The following HPCAL1 variants were observed in gnomAD, a reference collection of about 807,000 sequenced individuals.
The protein encoded by HPCAL1 is hippocalcin-like protein 1.
In HPCAL1, 8 loss-of-function variants were observed where a neutral mutation model predicts 17.1. The observed-to-expected ratio is 0.47, with a 90% confidence interval of 0.27 to 0.84. The LOEUF (loss-of-function observed/expected upper bound fraction) is 0.84. Ranked by LOEUF, HPCAL1 falls within the 40% of genes least tolerant of loss-of-function variation. The pLI, the probability that HPCAL1 is intolerant of heterozygous loss-of-function variation, is 0.13. For synonymous variants in HPCAL1, 112 were observed against 111.4 expected, an observed-to-expected ratio of 1.01 and a Z score of -0.03; for missense variants, 165 against 271.1, an observed-to-expected ratio of 0.61 and a Z score of 2.75.
intron 2 of HPCAL1, among the ~76,000 whole-genome samples, chr2:10,411,220 C>T (rs1238009190): frequency 2.0e-5 from 3 of 152,156 alleles, no homozygotes; most frequent in Non-Finnish European, 2.9e-5. Flanking sequence ...CCCTGGGTGG[C>T]CTCCACGGCT....
Position 10,323,164 on chromosome 2 carries a change from C to T in HPCAL1, c.-111+19987C>T, listed in dbSNP as rs1368100043. Among the ~76,000 whole-genome samples, 1 of 152,176 alleles carries T rather than the reference C, an allele frequency of 6.6e-6. No homozygotes were observed. Among genetic ancestry groups the T allele is most frequent in the Non-Finnish European group, 1.5e-5 (1 of 68,028 alleles). On this transcript the variant is annotated intron_variant, in intron 1 of 4. Transcript: ENST00000307845. This position sits in a 1 kb window ranked among gnomAD's most constrained non-coding sequence, Gnocchi z 4.6. ...TCCAGCACAACTCTCTGACCTGGCT[C>T]CCCCGGTTCCCCAGACGCGTTCCCC... is the stretch of plus-strand genomic sequence containing the variant.
rs768959788 is a variant in HPCAL1, at chr2:10,343,649, C to T, written c.-111+40472C>T. Among the ~76,000 whole-genome samples, 40 of 152,216 alleles carry T rather than the reference C, an allele frequency of 2.6e-4. No individual in the cohort carries two copies. Among genetic ancestry groups the T allele is most frequent in the Non-Finnish European group, 4.3e-4 (29 of 68,040 alleles). ...CTTTGACTGCAGACACTGGATTGACCGTGGCCAATGCCAAGTCCAAGAGAT... is the reference window on the plus strand; with the variant it reads ...CTTTGACTGCAGACACTGGATTGACTGTGGCCAATGCCAAGTCCAAGAGAT... On this transcript the variant is annotated intron_variant, in intron 1 of 4. Coordinates refer to ENST00000307845, the MANE Select transcript of HPCAL1 (RefSeq NM_002149.4). The surrounding 1 kb of genome is among the most constrained non-coding windows in gnomAD (Gnocchi z 4.8).
intron 1 of HPCAL1, among the ~76,000 whole-genome samples, chr2:10,379,059 C>T (rs13021170): frequency 0.3 from 46,034 of 151,782 alleles, 7,603 homozygotes; most frequent in Non-Finnish European, 0.37. Flanking sequence ...CGGGTGCGGT[C>T]GCTCCTACCT....
chr2:10,398,419 C>A (rs1048005324), intron 2 of HPCAL1, among the ~76,000 whole-genome samples: 87 of 152,220 alleles, frequency 5.7e-4, no homozygotes, highest in African/African-American at 2.0e-3. Flanking sequence ...GAATACTCAG[C>A]CAGGCTAAAA....
Position 10,310,262 on chromosome 2 carries a change from C to T in HPCAL1, c.-111+7085C>T, listed in dbSNP as rs1390376646. ...AAAGGGGTTCTAGGCGCAGCTCAGA[C>T]GTAGATGGGGACGCAGATGTGAGTA... On this transcript the variant is annotated intron_variant, in intron 1 of 4. Coordinates refer to ENST00000307845, the MANE Select transcript of HPCAL1 (RefSeq NM_002149.4). This position sits in a 1 kb window ranked among gnomAD's most constrained non-coding sequence, Gnocchi z 4.5. Among the ~76,000 whole-genome samples, 9 of 152,060 alleles carry T rather than the reference C, an allele frequency of 5.9e-5. No homozygotes were observed. The highest frequency in any genetic ancestry group is 2.6e-4 in the Admixed American group (4 of 15,246).
At chr2:10,335,978 C>T (rs1167641603) in intron 1 of HPCAL1, among the ~76,000 whole-genome samples, 1 of 139,034 alleles carries the variant, frequency 7.2e-6, no homozygotes, top group East Asian at 2.0e-4. Context: ...TGTTCATATC[C>T]TCTGCTGTAA....
Position 10,395,507 on chromosome 2 carries a change from C to G in HPCAL1, c.-110-1328C>G, listed in dbSNP as rs1044868104. 2.6e-5 allele frequency among the ~76,000 whole-genome samples: 4 copies of G among 152,148 alleles called. No homozygotes were observed. Among genetic ancestry groups the G allele is most frequent in the African/African-American group, 9.7e-5 (4 of 41,440 alleles). ...GGAAGGAGGGGAGAGGTGCAGCACCCCCATTGTGCAGGAGCGAGGGGAGCC... is the reference window on the plus strand; with the variant it reads ...GGAAGGAGGGGAGAGGTGCAGCACCGCCATTGTGCAGGAGCGAGGGGAGCC... On this transcript the variant is annotated intron_variant, in intron 1 of 4. Coordinates refer to ENST00000307845, the MANE Select transcript of HPCAL1 (RefSeq NM_002149.4). This position sits in a 1 kb window ranked among gnomAD's most constrained non-coding sequence, Gnocchi z 4.4.
intron 1 of HPCAL1, among the ~76,000 whole-genome samples, chr2:10,328,715 A>G (rs1465313493): frequency 6.6e-6 from 1 of 152,152 alleles, no homozygotes; most frequent in East Asian, 1.9e-4. Flanking sequence ...CCTCCATAAT[A>G]ACATGAACCA....
chr2:10,307,877 C>T (rs188970185), intron 1 of HPCAL1, among the ~76,000 whole-genome samples: 61 of 152,338 alleles, frequency 4.0e-4, no homozygotes, highest in African/African-American at 1.4e-3. Flanking sequence ...ATCCCACTGT[C>T]TTCTGCCTCC....
In HPCAL1 at chr2:10,407,875, G is replaced by A. The variant is rs769758737; in HGVS notation, c.-25+10955G>A. Among the ~76,000 whole-genome samples, 190 of 152,318 alleles carry A rather than the reference G, an allele frequency of 1.2e-3. 2 individuals carry two copies. Among genetic ancestry groups the A allele is most frequent in the Non-Finnish European group, 6.9e-4 (47 of 68,022 alleles). Reference sequence around the variant, plus strand: ...TGAAGGAAAAAGACAAAGAAGTGACGCGTTCAAAGCTGAGTTCATACTAGA... The same window carrying A: ...TGAAGGAAAAAGACAAAGAAGTGACACGTTCAAAGCTGAGTTCATACTAGA... On this transcript the variant is annotated intron_variant, in intron 2 of 4. Coordinates refer to ENST00000307845, the MANE Select transcript of HPCAL1 (RefSeq NM_002149.4).
Position 10,420,088 on chromosome 2 carries a change from G to C in HPCAL1, c.331G>C (p.Asp111His), listed in dbSNP as rs571286861. 1 of 1,613,610 alleles carries C rather than the reference G, an allele frequency of 6.2e-7. No individual in the cohort carries two copies. Among genetic ancestry groups the C allele is most frequent in the East Asian group, 2.2e-5 (1 of 44,876 alleles). ...LKWAFSMYDLDGNGYISRSEM... is the reference protein window; with the variant it reads ...LKWAFSMYDLHGNGYISRSEM... ...GTGGGCCTTCAGCATGTACGACCTG[G>C]ACGGCAACGGCTACATCAGCCGCAG... The change falls in exon 3 of 5, where the codon GAC (aspartate) becomes CAC (histidine). Residue 111 changes from aspartate to histidine, a missense_variant. Asp to His is a moderately conservative substitution (Grantham distance 81). Coordinates refer to ENST00000307845, the MANE Select transcript of HPCAL1 (RefSeq NM_002149.4).
intron 1 of HPCAL1, among the ~76,000 whole-genome samples, chr2:10,358,558 C>G (rs113910282): frequency 6.6e-6 from 1 of 152,156 alleles, no homozygotes; most frequent in African/African-American, 2.4e-5. Context: ...CACACAGAAG[C>G]GGCTGGACAT....
At chr2:10,393,308 C>A (rs1249380908) in intron 1 of HPCAL1, among the ~76,000 whole-genome samples, 5 of 152,194 alleles carry the variant, frequency 3.3e-5, no homozygotes, top group African/African-American at 7.2e-5. Flanking sequence ...ATTTGCAATT[C>A]GAGTTAATGG....
chr2:10,389,699 A>G (rs539012370), intron 1 of HPCAL1, among the ~76,000 whole-genome samples: 7 of 152,314 alleles, frequency 4.6e-5, no homozygotes, highest in East Asian at 1.9e-4. Flanking sequence ...TGTGAGACGC[A>G]TCTGTTGTGT....
chr2:10,322,796 A>C (rs1663755184), intron 1 of HPCAL1, among the ~76,000 whole-genome samples: 1 of 152,180 alleles, frequency 6.6e-6, no homozygotes, highest in South Asian at 2.1e-4. Flanking sequence ...GATCTCCTGC[A>C]CCTGAACTTT....
chr2:10,416,549 A>G (rs1260423214), intron 2 of HPCAL1, among the ~76,000 whole-genome samples: 1 of 152,164 alleles, frequency 6.6e-6, no homozygotes, highest in Non-Finnish European at 1.5e-5. Flanking sequence ...CCAAAGTGGG[A>G]GGATCACTTT....
rs1009979228 is a variant in HPCAL1 at position 10,359,770 on chromosome 2, G to A, written c.-110-37065G>A. On this transcript the variant is annotated intron_variant, in intron 1 of 4. Transcript: ENST00000307845. The surrounding 1 kb of genome is among the most constrained non-coding windows in gnomAD (Gnocchi z 4.1). Reference sequence around the variant, plus strand: ...AGGAAGGGGCCTTACCCAGATCCCCGTGTCCCCCACAGCGGTGGCGGTTTT... The same window carrying A: ...AGGAAGGGGCCTTACCCAGATCCCCATGTCCCCCACAGCGGTGGCGGTTTT... 9.2e-5 allele frequency among the ~76,000 whole-genome samples: 14 copies of A among 152,200 alleles called. No homozygotes were observed. Among genetic ancestry groups the A allele is most frequent in the African/African-American group, 2.9e-4 (12 of 41,454 alleles).
Position 10,310,479 on chromosome 2 carries a change from G to A in HPCAL1, c.-111+7302G>A, listed in dbSNP as rs1039778305. 1.3e-5 allele frequency among the ~76,000 whole-genome samples: 2 copies of A among 152,190 alleles called. No individual in the cohort carries two copies. The highest frequency in any genetic ancestry group is 1.3e-4 in the Admixed American group (2 of 15,284). The stretch of plus-strand genomic sequence containing the variant: ...ATGCTGGAGTCTGTGACTGCTGTGC[G>A]TGTGGAGGCTTCCGGAAGGCAGCCA... On this transcript the variant is annotated intron_variant, in intron 1 of 4. Transcript: ENST00000307845. The surrounding 1 kb of genome is among the most constrained non-coding windows in gnomAD (Gnocchi z 4.5).
In HPCAL1 at chr2:10,330,848, C is replaced by T. The variant is rs1042184344; in HGVS notation, c.-111+27671C>T. 3.9e-5 allele frequency among the ~76,000 whole-genome samples: 6 copies of T among 152,188 alleles called. No individual in the cohort carries two copies. The highest frequency in any genetic ancestry group is 9.7e-5 in the African/African-American group (4 of 41,446). ...TCAGTGTGTCTCCGACTGCGGACCC[C>T]GATCATCTTTGTGAGAATGCAGGTT... is the stretch of plus-strand genomic sequence containing the variant. On this transcript the variant is annotated intron_variant, in intron 1 of 4. Transcript: ENST00000307845. This position sits in a 1 kb window ranked among gnomAD's most constrained non-coding sequence, Gnocchi z 4.2.
Sources: allele counts gnomAD v4.1 joint callset (sites outside exome capture counted in the v4.1 genomes callset), GRCh38; gene constraint gnomAD v4.1.1; non-coding constraint Gnocchi (gnomAD v3.1); transcripts MANE v1.5; gene names NCBI Gene and HGNC (gene_info 2026-07-23, HGNC 2026-07-21).